The following PTPRD variants were observed in gnomAD, a reference collection of about 807,000 sequenced individuals.
PTPRD encodes the protein protein tyrosine phosphatase receptor type D, also known as receptor-type tyrosine-protein phosphatase delta.
Under a neutral mutation model 214.5 loss-of-function variants are expected in PTPRD, and 34 were observed. The ratio of observed to expected loss-of-function variants is 0.16; its 90% CI spans 0.12 to 0.21. PTPRD has a LOEUF of 0.21. Among genes scored for constraint, PTPRD ranks in the 10% least tolerant of loss-of-function variants. The pLI is 1.00. For missense variants in PTPRD, 2,545 were observed against 2,398.7 expected, an observed-to-expected ratio of 1.06 and a Z score of -1.27; for synonymous variants, 1,128 against 845.7, an observed-to-expected ratio of 1.33 and a Z score of -5.79.
At chr9:9,664,991 T>A (rs2096689769) in intron 7 of PTPRD, among the ~76,000 whole-genome samples, 1 of 151,742 alleles carries the variant, frequency 6.6e-6, no homozygotes, top group East Asian at 1.9e-4. Flanking sequence ...ATTACCAGCC[T>A]TCATACTCAT....
chr9:9,318,509 A>G (rs758660912), intron 9 of PTPRD, among the ~76,000 whole-genome samples: 26 of 152,226 alleles, frequency 1.7e-4, no homozygotes, highest in Non-Finnish European at 3.5e-4. Flanking sequence ...CAAAGAAACC[A>G]AAGTATTACA....
chr9:9,113,414 G>C (rs2099808924), intron 10 of PTPRD, among the ~76,000 whole-genome samples: 1 of 152,204 alleles, frequency 6.6e-6, no homozygotes, highest in East Asian at 1.9e-4. Flanking sequence ...TGTCCTAAAG[G>C]AGTTTCCAGT....
intron 5 of PTPRD, among the ~76,000 whole-genome samples, chr9:9,793,788 C>T (rs1337209704): frequency 6.6e-6 from 1 of 151,604 alleles, no homozygotes; most frequent in Non-Finnish European, 1.5e-5. Flanking sequence ...AGATTAAATC[C>T]CAAATTCCAG....
At chr9:9,886,797 G>C (rs899653336) in intron 5 of PTPRD, among the ~76,000 whole-genome samples, 2 of 152,100 alleles carry the variant, frequency 1.3e-5, no homozygotes, top group Non-Finnish European at 2.9e-5. Context: ...ATTTTGTTCA[G>C]TTGCCTTACT....
chr9:8,592,721 G>C (rs1250100657), intron 14 of PTPRD, among the ~76,000 whole-genome samples: 1 of 152,156 alleles, frequency 6.6e-6, no homozygotes, highest in East Asian at 1.9e-4. Context: ...AGCACATAAG[G>C]GTTGCTGTGC....
At chr9:9,430,999 A>C (rs1489898572) in intron 8 of PTPRD, among the ~76,000 whole-genome samples, 4 of 152,222 alleles carry the variant, frequency 2.6e-5, no homozygotes, top group African/African-American at 9.6e-5. Flanking sequence ...ATGGGCAAGG[A>C]CTTCATGTCT....
At chr9:9,705,090 G>C (rs2097574315) in intron 7 of PTPRD, among the ~76,000 whole-genome samples, 1 of 152,088 alleles carries the variant, frequency 6.6e-6, no homozygotes, top group African/African-American at 2.4e-5. Flanking sequence ...GCATTTTCTA[G>C]CACTACACAG....
intron 14 of PTPRD, among the ~76,000 whole-genome samples, chr9:8,561,187 T>G (rs549621403): frequency 1.3e-5 from 2 of 152,186 alleles, no homozygotes; most frequent in Admixed American, 6.5e-5. Context: ...TTTTCTACAC[T>G]GTCCTGCCCA....
intron 5 of PTPRD, among the ~76,000 whole-genome samples, chr9:9,791,416 C>T (rs114185487): frequency 0.02 from 2,985 of 151,976 alleles, 114 homozygotes; most frequent in African/African-American, 0.068. Context: ...ATAATAACGA[C>T]CTTTAATTCT....
chr9:8,351,016 G>T (rs551679979), intron 39 of PTPRD, among the ~76,000 whole-genome samples: 2 of 152,274 alleles, frequency 1.3e-5, no homozygotes, highest in African/African-American at 4.8e-5. Context: ...AGAGTAGAAA[G>T]AGATTTTATT....
chr9:10,431,483 T>A (rs1003166125), intron 2 of PTPRD, among the ~76,000 whole-genome samples: 1 of 151,950 alleles, frequency 6.6e-6, no homozygotes, highest in South Asian at 2.1e-4. Flanking sequence ...GAAACTACCA[T>A]CAGAGTGAAC....
At chr9:8,973,555 A>T (rs1203045777) in intron 11 of PTPRD, among the ~76,000 whole-genome samples, 3 of 152,104 alleles carry the variant, frequency 2.0e-5, no homozygotes, top group African/African-American at 7.2e-5. Context: ...TAGTATAATG[A>T]TCTATATTCC....
At chr9:9,930,819 G>C (rs1283364230) in intron 5 of PTPRD, among the ~76,000 whole-genome samples, 3 of 151,886 alleles carry the variant, frequency 2.0e-5, no homozygotes, top group African/African-American at 7.3e-5. Flanking sequence ...GGTCAATTTT[G>C]ATTATTATAA....
intron 9 of PTPRD, among the ~76,000 whole-genome samples, chr9:9,249,142 G>T (rs2131467829): frequency 6.6e-6 from 1 of 152,064 alleles, no homozygotes; most frequent in East Asian, 2.0e-4. Flanking sequence ...GTGAGTTCTA[G>T]CTTTATTAGT....
intron 3 of PTPRD, among the ~76,000 whole-genome samples, chr9:10,330,723 T>C (rs1164638691): frequency 6.6e-6 from 1 of 151,804 alleles, no homozygotes; most frequent in Non-Finnish European, 1.5e-5. Context: ...AAGGTGGATG[T>C]AGGGTGTTAG....
At chr9:9,723,973 G>C (rs964865419) in intron 7 of PTPRD, among the ~76,000 whole-genome samples, 1 of 151,916 alleles carries the variant, frequency 6.6e-6, no homozygotes, top group Non-Finnish European at 1.5e-5. Context: ...TTTCCAATGT[G>C]GATCCTTTTT....
At chr9:8,775,245 G>A (rs184528485) in intron 11 of PTPRD, among the ~76,000 whole-genome samples, 169 of 152,186 alleles carry the variant, frequency 1.1e-3, no homozygotes, top group African/African-American at 3.8e-3. Context: ...CTTTTTTTCT[G>A]ATATGGTCTG....
At chr9:10,349,960 C>A (rs901674564) in intron 2 of PTPRD, among the ~76,000 whole-genome samples, 1 of 152,138 alleles carries the variant, frequency 6.6e-6, no homozygotes, top group African/African-American at 2.4e-5. Context: ...TGTGCCCAGC[C>A]GGGATCCTTT....
intron 3 of PTPRD, among the ~76,000 whole-genome samples, chr9:10,338,411 C>T (rs573609419): frequency 9.2e-5 from 14 of 151,876 alleles, no homozygotes; most frequent in African/African-American, 2.9e-4. Flanking sequence ...ACAAATGAAA[C>T]TGACAAAAGA....
Sources: gnomAD v4.1 joint callset for allele counts (sites outside exome capture counted in the v4.1 genomes callset) on GRCh38, gnomAD v4.1.1 for gene constraint, MANE v1.5 for transcripts, NCBI Gene and HGNC (gene_info 2026-07-23, HGNC 2026-07-21) for gene names.